The following CAPZB variants were observed in gnomAD, a reference collection of about 807,000 sequenced individuals.
CAPZB encodes the protein capping actin protein of muscle Z-line subunit beta.
Under a neutral mutation model 38.1 loss-of-function variants are expected in CAPZB, and 2 were observed. That is an observed-to-expected ratio of 0.05 (90% CI 0.02 to 0.17). CAPZB has a LOEUF of 0.17. CAPZB is among the 10% of genes least tolerant of loss of function. The pLI is 1.00. For missense variants in CAPZB, 161 were observed against 334.2 expected (o/e 0.48, Z 4.04); for synonymous variants, 107 against 127.4 (o/e 0.84, Z 1.08).
chr1:19,411,166 C>G (rs566512797), intron 2 of CAPZB, among the ~76,000 whole-genome samples: 32 of 152,198 alleles, frequency 2.1e-4, no homozygotes, highest in African/African-American at 7.7e-4. Context: ...AGTTTGAGAC[C>G]AACCTGGGCA....
At chr1:19,480,035 G>A (rs1190752858) in intron 1 of CAPZB, among the ~76,000 whole-genome samples, 1 of 152,136 alleles carries the variant, frequency 6.6e-6, no homozygotes, top group Non-Finnish European at 1.5e-5. Context: ...AGGCTGGAGT[G>A]GTCTGCAGGG....
rs10583269 is a variant in CAPZB at position 19,432,042 on chromosome 1, C to CAAAAAAAAAAA, written c.4-12303_4-12293dup. On this transcript the variant is annotated intron_variant, in intron 1 of 8. Transcript: ENST00000264202. The stretch of plus-strand genomic sequence containing the variant: ...TGCATAACAGAATGAGATCCTGTCT[C>CAAAAAAAAAAA]AAAAAAAAAAAAAAAAAAAAAAAGA... Among the ~76,000 whole-genome samples, 369 of 122,356 alleles carry CAAAAAAAAAAA rather than the reference C, an allele frequency of 3.0e-3. 1 individual carries two copies. Among genetic ancestry groups the CAAAAAAAAAAA allele is most frequent in the Non-Finnish European group, 3.8e-3 (226 of 59,978 alleles). 80.3% of individuals were successfully genotyped at this position (122,356 alleles called of 152,430 possible).
Position 19,386,789 on chromosome 1 carries a change from C to T in CAPZB, c.94-1163G>A, listed in dbSNP as rs552927852. On this transcript the variant is annotated intron_variant, in intron 2 of 8. Transcript: ENST00000264202. ...CAACTAAAGGACTGTAACCCTGCCT[C>T]ATAACTCACAGAAATTCTGGCCTTG... Among the ~76,000 whole-genome samples, 207 of 152,342 alleles carry T rather than the reference C, an allele frequency of 1.4e-3. 1 individual carries two copies. The Middle Eastern group carries it at 0.017, about 13-fold the overall frequency.
intron 6 of CAPZB, among the ~76,000 whole-genome samples, chr1:19,353,636 C>T (rs2094004126): frequency 6.6e-6 from 1 of 152,166 alleles, no homozygotes; most frequent in Non-Finnish European, 1.5e-5. Flanking sequence ...CCCCTGACCA[C>T]CCATCCCCCA....
intron 2 of CAPZB, among the ~76,000 whole-genome samples, chr1:19,392,115 A>C (rs1371164993): frequency 6.6e-6 from 1 of 151,578 alleles, no homozygotes; most frequent in Non-Finnish European, 1.5e-5. Context: ...TCTGGGAGAT[A>C]GAGGTTGCCG....
intron 1 of CAPZB, among the ~76,000 whole-genome samples, chr1:19,477,224 C>T (rs1398549434): frequency 6.6e-6 from 1 of 152,232 alleles, no homozygotes; most frequent in Admixed American, 6.5e-5. Flanking sequence ...CATGAGTGCA[C>T]TCCTCAAGAC....
chr1:19,378,770 G>T, intron 3 of CAPZB, 117 bp from the exon 4 acceptor site: 1 of 623,448 alleles, frequency 1.6e-6, no homozygotes, highest in Non-Finnish European at 2.9e-6. Context: ...GCTAACTCCA[G>T]CAAAGATTTT....
chr1:19,390,992 G>A (rs768909037), intron 2 of CAPZB, among the ~76,000 whole-genome samples: 3 of 152,150 alleles, frequency 2.0e-5, no homozygotes, highest in Non-Finnish European at 4.4e-5. Context: ...GCAGCTACGG[G>A]CCAATGTCTG....
chr1:19,357,062 G>A lies in CAPZB; in HGVS notation c.472-311C>T, dbSNP rs908558520. ...GTGTTTTTGGTAGAGATGCGGTTTCGCCATATTGGCCAGGCTGGTCTTGAA... is the reference window on the plus strand; with the variant it reads ...GTGTTTTTGGTAGAGATGCGGTTTCACCATATTGGCCAGGCTGGTCTTGAA... On this transcript the variant is annotated intron_variant, in intron 5 of 8. Coordinates refer to ENST00000264202, the MANE Select transcript of CAPZB (RefSeq NM_004930.5). This position sits in a 1 kb window ranked among gnomAD's most constrained non-coding sequence, Gnocchi z 4.3. Among the ~76,000 whole-genome samples the A allele has an allele frequency of 4.6e-5, 7 of 151,858 alleles. No homozygotes were observed. The highest frequency in any genetic ancestry group is 1.5e-4 in the African/African-American group (6 of 41,316).
chr1:19,393,535 G>A (rs2094249309), intron 2 of CAPZB, among the ~76,000 whole-genome samples: 1 of 152,224 alleles, frequency 6.6e-6, no homozygotes, highest in South Asian at 2.1e-4. Context: ...AACACGAGGT[G>A]GAGAGGAATG....
At chr1:19,475,551 C>T (rs574076797) in intron 1 of CAPZB, among the ~76,000 whole-genome samples, 14 of 152,360 alleles carry the variant, frequency 9.2e-5, no homozygotes, top group African/African-American at 3.4e-4. Context: ...GAGAGCACTG[C>T]CCCATCTCGG....
chr1:19,371,317 T>C (rs1489381152), intron 4 of CAPZB, among the ~76,000 whole-genome samples: 2 of 152,132 alleles, frequency 1.3e-5, no homozygotes, highest in African/African-American at 4.8e-5. Flanking sequence ...GCACAGAATG[T>C]AAGATGCAGG....
intron 1 of CAPZB, among the ~76,000 whole-genome samples, chr1:19,451,950 T>C (rs1291595243): frequency 3.3e-5 from 5 of 152,128 alleles, no homozygotes; most frequent in South Asian, 2.1e-4. Flanking sequence ...CTGTTTATTA[T>C]TGTAATTATT....
chr1:19,482,133 C>T (rs532909997), intron 1 of CAPZB, among the ~76,000 whole-genome samples: 10 of 152,336 alleles, frequency 6.6e-5, no homozygotes, highest in African/African-American at 2.4e-4. Flanking sequence ...TCCTGTTCCC[C>T]ACCTCATGGA....
intron 1 of CAPZB, among the ~76,000 whole-genome samples, chr1:19,483,426 T>C (rs1171918585): frequency 6.6e-6 from 1 of 152,168 alleles, no homozygotes; most frequent in African/African-American, 2.4e-5. Flanking sequence ...GCCTCATCTA[T>C]AAAATGGGGA....
intron 2 of CAPZB, among the ~76,000 whole-genome samples, chr1:19,392,689 G>C (rs2094243526): frequency 6.6e-6 from 1 of 152,176 alleles, no homozygotes; most frequent in Non-Finnish European, 1.5e-5. Context: ...TACTCAGGAG[G>C]CTAGGGTGGG....
In CAPZB at chr1:19,385,925, G is replaced by A. The variant is rs372299296; in HGVS notation, c.94-299C>T. ...CCAGGGTGGCCTAGTAAATTTAAGT[G>A]TGTATGTGCTTGGTATTGGTCTCTG... On this transcript the variant is annotated intron_variant, in intron 2 of 8. Coordinates refer to ENST00000264202, the MANE Select transcript of CAPZB (RefSeq NM_004930.5). 1.6e-4 allele frequency: 76 copies of A among 464,332 alleles called. 1 individual carries two copies. The highest frequency in any genetic ancestry group is 2.1e-4 in the Non-Finnish European group (50 of 239,294). The allele number at this position is 464,332 out of a possible 1,614,324, so 28.8% of individuals were successfully genotyped here.
chr1:19,396,666 C>A (rs149505973), intron 2 of CAPZB, among the ~76,000 whole-genome samples: 2 of 152,048 alleles, frequency 1.3e-5, no homozygotes, highest in Non-Finnish European at 2.9e-5. Flanking sequence ...ATTGGCCAGA[C>A]GCAGTGGCTC....
chr1:19,345,057 A>G, intron 7 of CAPZB, 130 bp downstream of exon 7: 1 of 742,420 alleles, frequency 1.3e-6, no homozygotes, highest in Non-Finnish European at 2.3e-6. Flanking sequence ...GCAAAATCCA[A>G]GAAGCGCTCT....
Sources: allele counts gnomAD v4.1 joint callset (sites outside exome capture counted in the v4.1 genomes callset), GRCh38; gene constraint gnomAD v4.1.1; non-coding constraint Gnocchi (gnomAD v3.1); transcripts MANE v1.5; gene names NCBI Gene and HGNC (gene_info 2026-07-23, HGNC 2026-07-21).